The following APBB2 variants were observed in gnomAD, a reference collection of about 807,000 sequenced individuals.
APBB2 encodes amyloid beta precursor protein binding family B member 2, also known as Fe65-like 1.
APBB2 carries 38 observed loss-of-function variants against 82.5 expected under a neutral mutation model. The observed-to-expected ratio is 0.46, with a 90% CI of 0.36 to 0.60. APBB2 has a LOEUF of 0.60. Ranked by LOEUF, APBB2 falls within the 20% of genes least tolerant of loss-of-function variation. The pLI is 0.00. For missense variants in APBB2, 772 were observed against 972.3 expected, an observed-to-expected ratio of 0.79 and a Z score of 2.74; for synonymous variants, 341 against 368.2, an observed-to-expected ratio of 0.93 and a Z score of 0.85.
chr4:40,870,110 T>C (rs1311575274), intron 12 of APBB2, among the ~76,000 whole-genome samples: 1 of 152,150 alleles, frequency 6.6e-6, no homozygotes, highest in East Asian at 1.9e-4. Flanking sequence ...ACCCATGAAA[T>C]GAAATAATCC....
intron 10 of APBB2, among the ~76,000 whole-genome samples, chr4:40,899,096 C>A (rs1774538310): frequency 6.6e-6 from 1 of 152,160 alleles, no homozygotes; most frequent in Admixed American, 6.6e-5. Context: ...CCCAGGGCTG[C>A]CTCTTACCAT....
At chr4:40,971,792 T>G (rs1325443954) in intron 6 of APBB2, among the ~76,000 whole-genome samples, 1 of 152,206 alleles carries the variant, frequency 6.6e-6, no homozygotes, top group African/African-American at 2.4e-5. Flanking sequence ...GGCAGATATT[T>G]TGCTTTAACA....
rs1457248952 is a variant in APBB2 at position 40,924,994 on chromosome 4, CG to C, written c.1254+9461del. Among the ~76,000 whole-genome samples the C allele has an allele frequency of 7.2e-5, 11 of 152,128 alleles. No homozygotes were observed. The East Asian group carries it at 1.9e-3, about 27-fold the overall frequency. ...TTACATTTTTTGAAAAGTATGGTGG[CG>C]GGGGGAGAGGGAATCACTAACTCCA... On this transcript the variant is annotated intron_variant, in intron 10 of 17. Coordinates refer to ENST00000508593, the MANE Select transcript of APBB2 (RefSeq NM_004307.2).
At chr4:40,866,007 C>T (rs1007842724) in intron 12 of APBB2, among the ~76,000 whole-genome samples, 8 of 152,318 alleles carry the variant, frequency 5.3e-5, no homozygotes, top group Admixed American at 3.9e-4. Context: ...TTTGCTGTTG[C>T]GAATGCAAAA....
At chr4:41,014,600 A>G (rs571525356) in intron 5 of APBB2, 1 of 538,954 alleles carries the variant, frequency 1.9e-6, no homozygotes, top group East Asian at 3.0e-5. Flanking sequence ...AACGTGGATA[A>G]CCAAAAGCCA....
chr4:40,913,349 T>C (rs1779035763), intron 10 of APBB2, among the ~76,000 whole-genome samples: 1 of 152,238 alleles, frequency 6.6e-6, no homozygotes, highest in Admixed American at 6.5e-5. Context: ...CTGTTTGCCG[T>C]AAGCATGCTC....
intron 2 of APBB2, among the ~76,000 whole-genome samples, chr4:41,131,273 T>C (rs1294395254): frequency 6.6e-6 from 1 of 152,178 alleles, no homozygotes; most frequent in Non-Finnish European, 1.5e-5. Context: ...GGTCCCTGTC[T>C]TGTCGGCATT....
At position 40,815,326 on chromosome 4, in the gene APBB2, G is replaced by C. The variant is rs1168948913; in HGVS notation, c.*766C>G. The stretch of plus-strand genomic sequence containing the variant: ...GTTTGAAATATGTCCCACCCAAAAT[G>C]CATTATGATTTTATTAATCTCTTTT... On this transcript the variant is annotated 3_prime_UTR_variant, in exon 18 of 18. Coordinates refer to ENST00000508593, the MANE Select transcript of APBB2 (RefSeq NM_004307.2). 6.6e-6 allele frequency: 1 copy of C among 152,574 alleles called. No homozygotes were observed. Among genetic ancestry groups the C allele is most frequent in the Non-Finnish European group, 1.5e-5 (1 of 68,014 alleles). 9.5% of individuals were successfully genotyped at this position (152,574 alleles called of 1,614,324 possible).
chr4:41,012,661 T>C (rs1159871016), intron 6 of APBB2, among the ~76,000 whole-genome samples: 1 of 152,238 alleles, frequency 6.6e-6, no homozygotes. Flanking sequence ...TGTAAAAATG[T>C]GATTTCCTTC....
chr4:41,073,199 T>G (rs1027418019), intron 3 of APBB2, among the ~76,000 whole-genome samples: 4 of 152,202 alleles, frequency 2.6e-5, no homozygotes, highest in African/African-American at 9.6e-5. Flanking sequence ...AAAAAATATT[T>G]TTTACTTCAC....
intron 2 of APBB2, among the ~76,000 whole-genome samples, chr4:41,110,473 G>C (rs1300680074): frequency 6.6e-6 from 1 of 151,862 alleles, no homozygotes; most frequent in Non-Finnish European, 1.5e-5. Flanking sequence ...TGTGGTGACG[G>C]GCACCTGTAA....
At position 41,014,429 on chromosome 4, in the gene APBB2, C is replaced by T. The variant is rs771107965; in HGVS notation, c.20-31G>A. The T allele has an allele frequency of 2.5e-6, 4 of 1,588,736 alleles. No individual in the cohort carries two copies. The South Asian group carries it at 4.5e-5, about 18-fold the overall frequency. On this transcript the variant is annotated intron_variant, in intron 5 of 17. Transcript: ENST00000508593. ...GAAAAAAAAAGTCATTAGACACCTGCCATGATTAAACTACTTAGTATACAG... is the reference window on the plus strand; with the variant it reads ...GAAAAAAAAAGTCATTAGACACCTGTCATGATTAAACTACTTAGTATACAG...
rs369514380 is a variant in APBB2, at chr4:41,013,641, C to T, written c.777G>A (p.Glu259=). The T allele has an allele frequency of 6.2e-7, 1 of 1,614,214 alleles. No individual in the cohort carries two copies. The highest frequency in any genetic ancestry group is 1.1e-5 in the South Asian group (1 of 91,078). Residue 259 remains glutamate, a synonymous_variant, in exon 6 of 18, where the codon GAG becomes GAA. Coordinates refer to ENST00000508593, the MANE Select transcript of APBB2 (RefSeq NM_004307.2). ...CTTGGGACAACGTTGTCCAGCTGGA[C>T]TCCTCATCGCTCGGTGCCAGGTTCT... ...RIQNLAPSDE[E]SSWTTLSQDS...
At chr4:40,893,241 T>G in intron 11 of APBB2, 24 bp downstream of exon 11, 1 of 1,610,220 alleles carries the variant, frequency 6.2e-7, no homozygotes, top group Non-Finnish European at 8.5e-7. Context: ...CAGCCTGCCG[T>G]GCATCATTCT....
intron 2 of APBB2, among the ~76,000 whole-genome samples, chr4:41,105,684 A>C (rs1446640981): frequency 1.3e-5 from 2 of 152,132 alleles, no homozygotes. Flanking sequence ...GGAGATTGAG[A>C]CCATCCTGGC....
intron 2 of APBB2, among the ~76,000 whole-genome samples, chr4:41,141,656 G>GA (rs1339554592): frequency 1.3e-5 from 2 of 152,152 alleles, no homozygotes; most frequent in Non-Finnish European, 2.9e-5. Context: ...GTTTACAAAA[G>GA]AAAGAGGTTT....
intron 15 of APBB2, among the ~76,000 whole-genome samples, chr4:40,825,452 C>T (rs1447784777): frequency 1.3e-5 from 2 of 152,248 alleles, no homozygotes; most frequent in Non-Finnish European, 2.9e-5. Flanking sequence ...GGCATGTGAG[C>T]TGAATGCTGT....
At chr4:40,893,004 C>T (rs1560813889) in intron 11 of APBB2, 1 of 317,556 alleles carries the variant, frequency 3.1e-6, no homozygotes. Context: ...GAGTTCTGGG[C>T]CCCTAAAGCT....
intron 6 of APBB2, among the ~76,000 whole-genome samples, chr4:41,009,293 G>A (rs1226712546): frequency 3.4e-5 from 5 of 145,834 alleles, no homozygotes; most frequent in Non-Finnish European, 5.9e-5. Flanking sequence ...CTTTCTTTTA[G>A]AATCAGGGCC....
Sources: allele counts gnomAD v4.1 joint callset (sites outside exome capture counted in the v4.1 genomes callset), GRCh38; gene constraint gnomAD v4.1.1; transcripts MANE v1.5; gene names NCBI Gene and HGNC (gene_info 2026-07-23, HGNC 2026-07-21).